The following GLCCI1 variants were observed in gnomAD, a reference collection of about 807,000 sequenced individuals.
GLCCI1 encodes the protein glucocorticoid induced 1.
A neutral mutation model predicts 52.2 loss-of-function variants in GLCCI1; 24 were observed. The observed-to-expected ratio is 0.46, with a 90% CI of 0.33 to 0.65. The LOEUF (loss-of-function observed/expected upper bound fraction) is 0.65. GLCCI1 is among the 30% of genes least tolerant of loss of function. The pLI, the probability that GLCCI1 is intolerant of heterozygous loss-of-function variation, is 0.02. For synonymous variants in GLCCI1, 310 were observed against 276.5 expected, an observed-to-expected ratio of 1.12 and a Z score of -1.20; for missense variants, 704 against 701.5, an observed-to-expected ratio of 1.00 and a Z score of -0.04.
chr7:8,037,547 A>G lies in GLCCI1; in HGVS notation c.696+14978A>G, dbSNP rs1199183450. On this transcript the variant is annotated intron_variant, in intron 3 of 7. Transcript: ENST00000223145. Reference sequence around the variant, plus strand: ...GATAGGAACAAAACCTCACATACCAATATTAATTCTGAACATAAATGGGTT... The same window carrying G: ...GATAGGAACAAAACCTCACATACCAGTATTAATTCTGAACATAAATGGGTT... 3.9e-5 allele frequency among the ~76,000 whole-genome samples: 6 copies of G among 152,324 alleles called. No homozygotes were observed. The East Asian group carries it at 1.2e-3, about 29-fold the overall frequency.
intron 1 of GLCCI1, chr7:7,981,679 G>T: frequency 4.1e-6 from 1 of 245,368 alleles, no homozygotes; most frequent in South Asian, 4.6e-5. Context: ...ACTTATAGAT[G>T]ACAGAAGAAA....
intron 3 of GLCCI1, 65 bp downstream of exon 3, chr7:8,022,634 T>C (rs1413444483): frequency 1.1e-6 from 1 of 909,716 alleles, no homozygotes; most frequent in Admixed American, 2.5e-5. Flanking sequence ...TAGTATTTCC[T>C]GAATGTAATG....
chr7:8,045,851 A>G (rs889899376), intron 3 of GLCCI1, among the ~76,000 whole-genome samples: 10 of 152,118 alleles, frequency 6.6e-5, no homozygotes, highest in African/African-American at 1.9e-4. Context: ...AAACTTCCAC[A>G]TAAGATGAAC....
intron 1 of GLCCI1, among the ~76,000 whole-genome samples, chr7:7,989,260 C>T (rs1412256837): frequency 1.4e-5 from 2 of 141,212 alleles, no homozygotes; most frequent in East Asian, 1.9e-4. Context: ...GCTATTGGAG[C>T]CACCTTGAAA....
At chr7:8,008,252 C>T (rs142979815) in intron 2 of GLCCI1, among the ~76,000 whole-genome samples, 295 of 151,346 alleles carry the variant, frequency 1.9e-3, no homozygotes, top group African/African-American at 6.8e-3. Flanking sequence ...AACCACTATT[C>T]TACTCTCTAT....
rs1435041196 is a variant in GLCCI1, at chr7:7,996,763, C to T, written c.458-7145C>T. 3.9e-5 allele frequency among the ~76,000 whole-genome samples: 6 copies of T among 152,254 alleles called. No homozygotes were observed. The South Asian group carries it at 1.2e-3, about 32-fold the overall frequency. On this transcript the variant is annotated intron_variant, in intron 1 of 7. Transcript: ENST00000223145. ...GCATGTTTGTTTCTCTTGTCAGCTTCTTGATTGGTTTCTTTCCAGATTCTG... is the reference window on the plus strand; with the variant it reads ...GCATGTTTGTTTCTCTTGTCAGCTTTTTGATTGGTTTCTTTCCAGATTCTG...
At chr7:8,016,384 G>C (rs1781381435) in intron 2 of GLCCI1, among the ~76,000 whole-genome samples, 1 of 152,116 alleles carries the variant, frequency 6.6e-6, no homozygotes, top group Non-Finnish European at 1.5e-5. Flanking sequence ...CAGGAGAATG[G>C]CGTGAACCCG....
intron 1 of GLCCI1, among the ~76,000 whole-genome samples, chr7:7,991,826 C>A (rs1780843246): frequency 6.6e-6 from 1 of 152,074 alleles, no homozygotes; most frequent in Non-Finnish European, 1.5e-5. Context: ...TTGCTATAGA[C>A]TTCCATAGGA....
chr7:8,059,697 C>T (rs1310295545), intron 4 of GLCCI1, among the ~76,000 whole-genome samples: 1 of 152,170 alleles, frequency 6.6e-6, no homozygotes, highest in African/African-American at 2.4e-5. Flanking sequence ...AGAAAACAAA[C>T]ATCTTGTAAA....
chr7:8,058,776 C>T (rs926927527), intron 4 of GLCCI1, among the ~76,000 whole-genome samples: 2 of 152,182 alleles, frequency 1.3e-5, no homozygotes, highest in African/African-American at 4.8e-5. Context: ...CATTGACCCT[C>T]ATGCAGTTGA....
chr7:8,067,793 A>G (rs1366891693), intron 5 of GLCCI1, among the ~76,000 whole-genome samples: 1 of 152,054 alleles, frequency 6.6e-6, no homozygotes, highest in Admixed American at 6.5e-5. Flanking sequence ...TTTTTCTTTC[A>G]TTCCAACCTT....
intron 1 of GLCCI1, among the ~76,000 whole-genome samples, chr7:7,989,861 G>C (rs968122134): frequency 2.0e-5 from 3 of 152,052 alleles, no homozygotes; most frequent in Admixed American, 6.6e-5. Flanking sequence ...TCATTCTAAA[G>C]TGAAAGTAAA....
chr7:8,057,241 T>C (rs903512198), intron 4 of GLCCI1, among the ~76,000 whole-genome samples: 1 of 152,106 alleles, frequency 6.6e-6, no homozygotes, highest in Non-Finnish European at 1.5e-5. Flanking sequence ...CACAAACACT[T>C]GTACATGAAT....
intron 1 of GLCCI1, among the ~76,000 whole-genome samples, chr7:7,976,144 G>A (rs914903622): frequency 4.6e-5 from 7 of 152,014 alleles, no homozygotes; most frequent in East Asian, 1.9e-4. Flanking sequence ...GTCCACCATC[G>A]TATACCTTAA....
At chr7:7,989,923 T>C (rs1159096551) in intron 1 of GLCCI1, among the ~76,000 whole-genome samples, 4 of 152,082 alleles carry the variant, frequency 2.6e-5, no homozygotes, top group South Asian at 4.1e-4. Context: ...GTGATCTCCA[T>C]GAGAAATAAG....
chr7:8,009,396 T>C (rs1215295798), intron 2 of GLCCI1, among the ~76,000 whole-genome samples: 1 of 152,176 alleles, frequency 6.6e-6, no homozygotes, highest in Non-Finnish European at 1.5e-5. Flanking sequence ...CTTTGTAAAG[T>C]GGTCAAGTAA....
intron 3 of GLCCI1, among the ~76,000 whole-genome samples, chr7:8,035,385 C>T (rs929302789): frequency 7.5e-4 from 115 of 152,334 alleles, no homozygotes; most frequent in African/African-American, 2.7e-3. Context: ...CTCTCCTCTG[C>T]AGCTTGTCCA....
chr7:8,025,036 A>G (rs776309283), intron 3 of GLCCI1, among the ~76,000 whole-genome samples: 1 of 152,196 alleles, frequency 6.6e-6, no homozygotes, highest in South Asian at 2.1e-4. Context: ...CTGTAGTCCA[A>G]TTTGGGGCCA....
At chr7:8,045,973 A>AC (rs1782115310) in intron 3 of GLCCI1, among the ~76,000 whole-genome samples, 1 of 152,016 alleles carries the variant, frequency 6.6e-6, no homozygotes, top group Non-Finnish European at 1.5e-5. Flanking sequence ...CAAAAAAAAA[A>AC]AACCTTATAA....
Sources: gnomAD v4.1 joint callset for allele counts (sites outside exome capture counted in the v4.1 genomes callset) on GRCh38, gnomAD v4.1.1 for gene constraint, MANE v1.5 for transcripts, NCBI Gene and HGNC (gene_info 2026-07-23, HGNC 2026-07-21) for gene names.